The following GALNTL6 variants were observed in gnomAD, a reference collection of about 807,000 sequenced individuals.
The protein encoded by GALNTL6 is polypeptide N-acetylgalactosaminyltransferase like 6, also known as polypeptide N-acetylgalactosaminyltransferase-like 6.
In GALNTL6, 46 loss-of-function variants were observed where a neutral mutation model predicts 73.7. That is an observed-to-expected ratio of 0.62 (90% CI 0.49 to 0.80). The LOEUF is 0.80. Ranked by LOEUF, GALNTL6 falls within the 30% of genes least tolerant of loss-of-function variation. The pLI is 0.00. For synonymous variants in GALNTL6, 259 were observed against 263.7 expected, an observed-to-expected ratio of 0.98 and a Z score of 0.17; for missense variants, 604 against 755.0, an observed-to-expected ratio of 0.80 and a Z score of 2.34.
intron 2 of GALNTL6, among the ~76,000 whole-genome samples, chr4:171,918,976 G>T (rs772402747): frequency 1.3e-5 from 2 of 152,080 alleles, no homozygotes. Flanking sequence ...AGTACCAGGG[G>T]CTGTGGGGAG....
intron 2 of GALNTL6, among the ~76,000 whole-genome samples, chr4:171,821,767 TG>T (rs1734691666): frequency 6.6e-6 from 1 of 151,962 alleles, no homozygotes; most frequent in Admixed American, 6.6e-5. Context: ...TCAGAGGCAT[TG>T]TCAAGACAGC....
intron 7 of GALNTL6, among the ~76,000 whole-genome samples, chr4:172,855,196 GA>G (rs3087060): frequency 1.2e-4 from 16 of 138,870 alleles, no homozygotes; most frequent in Non-Finnish European, 9.2e-5. Context: ...ACTTTGAGGT[GA>G]AAAAAAAAAA....
chr4:172,367,498 AGC>A (rs1742610312), intron 5 of GALNTL6, among the ~76,000 whole-genome samples: 1 of 152,182 alleles, frequency 6.6e-6, no homozygotes. Context: ...AACTCCACGT[AGC>A]CAAGAACGTA....
At chr4:172,467,695 T>A (rs189548374) in intron 5 of GALNTL6, among the ~76,000 whole-genome samples, 140 of 152,298 alleles carry the variant, frequency 9.2e-4, no homozygotes, top group Non-Finnish European at 1.5e-3. Context: ...TTTCTGTATT[T>A]ATGGCATTTA....
chr4:172,457,344 T>G (rs922861152), intron 5 of GALNTL6, among the ~76,000 whole-genome samples: 16 of 152,050 alleles, frequency 1.1e-4, no homozygotes, highest in African/African-American at 3.9e-4. Flanking sequence ...AATGACAGGA[T>G]CAAATTCACA....
At chr4:172,170,121 C>T (rs1279204180) in intron 2 of GALNTL6, among the ~76,000 whole-genome samples, 2 of 152,154 alleles carry the variant, frequency 1.3e-5, no homozygotes, top group African/African-American at 4.8e-5. Flanking sequence ...TGCCTGCATT[C>T]ATACCTCTAG....
chr4:172,099,844 C>G (rs900735786), intron 2 of GALNTL6, among the ~76,000 whole-genome samples: 1 of 152,112 alleles, frequency 6.6e-6, no homozygotes, highest in African/African-American at 2.4e-5. Flanking sequence ...AAACCACGAT[C>G]ATTTTCTGGT....
chr4:172,419,330 A>G (rs1730962475), intron 5 of GALNTL6, among the ~76,000 whole-genome samples: 1 of 152,190 alleles, frequency 6.6e-6, no homozygotes, highest in Non-Finnish European at 1.5e-5. Flanking sequence ...TCATAGGTTC[A>G]TTGTGAGGAT....
intron 5 of GALNTL6, among the ~76,000 whole-genome samples, chr4:172,775,982 A>C (rs1482148345): frequency 2.0e-5 from 3 of 152,064 alleles, no homozygotes; most frequent in Admixed American, 2.0e-4. Context: ...AGCCTGAGTG[A>C]GGTAGGGAGG....
At chr4:172,954,294 TACA>T (rs1749607546) in intron 10 of GALNTL6, among the ~76,000 whole-genome samples, 1 of 152,196 alleles carries the variant, frequency 6.6e-6, no homozygotes. Context: ...CTAGGAAAGG[TACA>T]ACCTTCCAGG....
intron 5 of GALNTL6, among the ~76,000 whole-genome samples, chr4:172,772,395 A>T (rs910098872): frequency 2.0e-5 from 3 of 152,226 alleles, no homozygotes; most frequent in African/African-American, 7.2e-5. Context: ...TTTGTGGGTG[A>T]TAAGAGAAGC....
intron 2 of GALNTL6, among the ~76,000 whole-genome samples, chr4:171,838,180 A>G (rs1433893753): frequency 6.6e-6 from 1 of 151,654 alleles, no homozygotes; most frequent in African/African-American, 2.4e-5. Context: ...CTGACGTGCA[A>G]TGGCGCCATC....
chr4:172,589,186 G>A (rs1024088663), intron 5 of GALNTL6, among the ~76,000 whole-genome samples: 3 of 152,044 alleles, frequency 2.0e-5, no homozygotes, highest in Non-Finnish European at 4.4e-5. Context: ...TAATAATAAA[G>A]CCCTACTAAC....
intron 7 of GALNTL6, among the ~76,000 whole-genome samples, chr4:172,859,547 C>T (rs6825566): frequency 0.6 from 90,996 of 151,856 alleles, 31,063 homozygotes; most frequent in East Asian, 0.91. Flanking sequence ...TGCTGCCGTT[C>T]GTTAAGTAAA....
At chr4:172,058,113 GTTGTT>G (rs10526611) in intron 2 of GALNTL6, among the ~76,000 whole-genome samples, 2,128 of 146,366 alleles carry the variant, frequency 0.015, 53 homozygotes, top group African/African-American at 0.051. Flanking sequence ...GGCTGAAGTG[GTTGTT>G]TTGTTTTGTT....
chr4:172,996,471 G>C (rs1166443972), intron 10 of GALNTL6, among the ~76,000 whole-genome samples: 1 of 152,006 alleles, frequency 6.6e-6, no homozygotes, highest in Non-Finnish European at 1.5e-5. Flanking sequence ...AAAATAATCT[G>C]TACAACAAAC....
At chr4:172,852,634 T>A (rs1486982937) in intron 7 of GALNTL6, among the ~76,000 whole-genome samples, 1 of 152,138 alleles carries the variant, frequency 6.6e-6, no homozygotes, top group Non-Finnish European at 1.5e-5. Flanking sequence ...AGTCAGTGGA[T>A]CATAGAGATA....
intron 2 of GALNTL6, among the ~76,000 whole-genome samples, chr4:172,020,365 C>T (rs762879117): frequency 1.4e-5 from 2 of 138,722 alleles, no homozygotes; most frequent in African/African-American, 2.8e-5. Flanking sequence ...ATCAAAGAAA[C>T]AAAAGGTTGC....
chr4:173,018,222 A>G (rs892776478), intron 11 of GALNTL6, among the ~76,000 whole-genome samples: 3 of 152,242 alleles, frequency 2.0e-5, no homozygotes, highest in Non-Finnish European at 4.4e-5. Flanking sequence ...ATTCGCCAGG[A>G]AATTTCTATT....
Sources: allele counts gnomAD v4.1 joint callset (sites outside exome capture counted in the v4.1 genomes callset), GRCh38; gene constraint gnomAD v4.1.1; transcripts MANE v1.5; gene names NCBI Gene and HGNC (gene_info 2026-07-23, HGNC 2026-07-21).